Variants in ANO2 observed in about 807,000 individuals in gnomAD.
The protein encoded by ANO2 is anoctamin-2.
In ANO2, 101 loss-of-function variants were observed where a neutral mutation model predicts 124.2. The ratio of observed to expected loss-of-function variants is 0.81; its 90% CI spans 0.69 to 0.96. The LOEUF is 0.96. Ranked by LOEUF, ANO2 falls within the 40% of genes least tolerant of loss-of-function variation. The pLI is 0.00. For missense variants in ANO2, 1,293 were observed against 1,274.5 expected, an observed-to-expected ratio of 1.01 and a Z score of -0.22; for synonymous variants, 486 against 482.5, an observed-to-expected ratio of 1.01 and a Z score of -0.09.
rs1942368058 is a variant in ANO2 at position 5,575,842 on chromosome 12, C to G, written c.2613G>C (p.Gln871His). 6.2e-7 allele frequency: 1 copy of G among 1,613,688 alleles called. No individual in the cohort carries two copies. The highest frequency in any genetic ancestry group is 1.1e-5 in the South Asian group (1 of 91,032). Residue 871 changes from glutamine to histidine, a missense_variant, in exon 23 of 25, where the codon CAG (glutamine) becomes CAC (histidine). Coordinates refer to ENST00000682330, the MANE Select transcript of ANO2 (RefSeq NM_001364791.2). Reference protein sequence around the residue: ...PENSQFDQEVQFCRFKDYREP... With the variant: ...PENSQFDQEVHFCRFKDYREP... ...CCTGAAGATTACTTTACCTGCAGAA[C>G]TGAACCTCCTGGTCAAACTGTGAGT... is the stretch of plus-strand genomic sequence containing the variant.
chr12:5,585,747 G>A (rs575381028), intron 20 of ANO2, among the ~76,000 whole-genome samples: 5 of 152,286 alleles, frequency 3.3e-5, no homozygotes, highest in South Asian at 2.1e-4. Flanking sequence ...AATGTAGTGC[G>A]TGAGTTCGAA....
intron 10 of ANO2, among the ~76,000 whole-genome samples, chr12:5,798,200 A>G (rs1379371748): frequency 6.6e-6 from 1 of 152,026 alleles, no homozygotes; most frequent in Admixed American, 6.6e-5. Context: ...AGAACAGTCT[A>G]GGTGGCCCAT....
intron 19 of ANO2, among the ~76,000 whole-genome samples, chr12:5,600,143 A>C (rs1943865988): frequency 6.6e-6 from 1 of 152,230 alleles, no homozygotes; most frequent in South Asian, 2.1e-4. Flanking sequence ...TCTAATCCCC[A>C]ATGTGACTGT....
chr12:5,623,411 C>T (rs561886788), intron 16 of ANO2, among the ~76,000 whole-genome samples: 84 of 152,298 alleles, frequency 5.5e-4, no homozygotes, highest in Non-Finnish European at 1.0e-3. Flanking sequence ...CTCCACTTCC[C>T]GCCAGAAAGG....
intron 3 of ANO2, among the ~76,000 whole-genome samples, chr12:5,883,137 G>A (rs1228095629): frequency 1.3e-5 from 2 of 151,820 alleles, no homozygotes; most frequent in Non-Finnish European, 2.9e-5. Flanking sequence ...AAAATCTCAT[G>A]AGTGGCTCCA....
At chr12:5,864,958 C>T (rs1955377462) in intron 3 of ANO2, among the ~76,000 whole-genome samples, 1 of 152,142 alleles carries the variant, frequency 6.6e-6, no homozygotes, top group African/African-American at 2.4e-5. Context: ...GTCATATTAA[C>T]TCTGAAAGCC....
At position 5,717,411 on chromosome 12, in the gene ANO2, G is replaced by A. The variant is rs866699036; in HGVS notation, c.1545+15109C>T. Among the ~76,000 whole-genome samples, 5 of 152,228 alleles carry A rather than the reference G, an allele frequency of 3.3e-5. No individual in the cohort carries two copies. In the East Asian group the frequency reaches 9.6e-4, roughly 29 times the overall value. Reference sequence around the variant, plus strand: ...GTAACAGAAATAAGGAAGACCCCAAGGGAGTTGGTTTTGGACATCTTGTCT... The same window carrying A: ...GTAACAGAAATAAGGAAGACCCCAAAGGAGTTGGTTTTGGACATCTTGTCT... On this transcript the variant is annotated intron_variant, in intron 14 of 24. Transcript: ENST00000682330.
At chr12:5,716,659 T>C (rs1023876505) in intron 14 of ANO2, among the ~76,000 whole-genome samples, 7 of 152,206 alleles carry the variant, frequency 4.6e-5, no homozygotes, top group Admixed American at 2.0e-4. Flanking sequence ...TTATGTAAGC[T>C]GGCCGATAGA....
intron 14 of ANO2, among the ~76,000 whole-genome samples, 157 bp downstream of exon 14, chr12:5,732,363 G>A (rs1005890918): frequency 2.0e-5 from 3 of 152,024 alleles, no homozygotes; most frequent in African/African-American, 7.3e-5. Flanking sequence ...ATGATCTCTG[G>A]CTGCAGGACA....
At chr12:5,608,447 G>C (rs1453987147) in intron 19 of ANO2, among the ~76,000 whole-genome samples, 1 of 151,948 alleles carries the variant, frequency 6.6e-6, no homozygotes, top group Non-Finnish European at 1.5e-5. Flanking sequence ...TGGCAGAGTA[G>C]AAATTGAAAG....
At chr12:5,830,791 G>A (rs1954126394) in intron 5 of ANO2, among the ~76,000 whole-genome samples, 1 of 152,062 alleles carries the variant, frequency 6.6e-6, no homozygotes, top group African/African-American at 2.4e-5. Context: ...TATAGGATAG[G>A]GTATCATGCA....
intron 5 of ANO2, 77 bp downstream of exon 5, chr12:5,832,375 G>C: frequency 1.3e-6 from 2 of 1,556,454 alleles, no homozygotes; most frequent in Non-Finnish European, 1.7e-6. Flanking sequence ...GGAGCCCCAG[G>C]GCTGAGTCAT....
intron 20 of ANO2, among the ~76,000 whole-genome samples, chr12:5,595,311 C>T (rs1355898830): frequency 6.6e-6 from 1 of 152,198 alleles, no homozygotes; most frequent in Non-Finnish European, 1.5e-5. Flanking sequence ...AGCAATCCTC[C>T]CACCTCAGCC....
intron 19 of ANO2, 48 bp downstream of exon 19, chr12:5,612,608 G>A (rs1285599249): frequency 6.5e-7 from 1 of 1,532,790 alleles, no homozygotes. Flanking sequence ...GCACTTCTGG[G>A]CTAACCCCTG....
intron 19 of ANO2, among the ~76,000 whole-genome samples, chr12:5,611,928 T>C (rs192499016): frequency 8.5e-5 from 13 of 152,218 alleles, no homozygotes; most frequent in African/African-American, 2.9e-4. Context: ...ATCTCTATCA[T>C]TCCCTAGCTT....
chr12:5,762,701 T>A (rs12228999), intron 10 of ANO2, among the ~76,000 whole-genome samples: 17,164 of 151,858 alleles, frequency 0.11, 1,054 homozygotes, highest in Admixed American at 0.18. Flanking sequence ...TCAAACTGAC[T>A]ATAATTGAAT....
chr12:5,684,113 G>A (rs1389225792), intron 14 of ANO2, among the ~76,000 whole-genome samples: 2 of 152,132 alleles, frequency 1.3e-5, no homozygotes, highest in Non-Finnish European at 2.9e-5. Context: ...TATATGCCCT[G>A]GGACCCTTCA....
chr12:5,810,399 T>G (rs1476136896), intron 7 of ANO2, among the ~76,000 whole-genome samples: 1 of 152,062 alleles, frequency 6.6e-6, no homozygotes, highest in African/African-American at 2.4e-5. Context: ...TAAAAAAGAG[T>G]CCCTGCTTTG....
rs569554679 is a variant in ANO2, at chr12:5,724,098, C to T, written c.1545+8422G>A. Among the ~76,000 whole-genome samples, 278 of 152,152 alleles carry T rather than the reference C, an allele frequency of 1.8e-3. 1 individual carries two copies. Among genetic ancestry groups the T allele is most frequent in the African/African-American group, 6.5e-3 (269 of 41,482 alleles). ...CTTAATAGCCAGAGTCCATGAAATGCCCATATAATAAGGATGCTTAGGGCC... is the reference window on the plus strand; with the variant it reads ...CTTAATAGCCAGAGTCCATGAAATGTCCATATAATAAGGATGCTTAGGGCC... On this transcript the variant is annotated intron_variant, in intron 14 of 24. Coordinates refer to ENST00000682330, the MANE Select transcript of ANO2 (RefSeq NM_001364791.2).
Sources: gnomAD v4.1 joint callset for allele counts (sites outside exome capture counted in the v4.1 genomes callset) on GRCh38, gnomAD v4.1.1 for gene constraint, MANE v1.5 for transcripts, NCBI Gene and HGNC (gene_info 2026-07-23, HGNC 2026-07-21) for gene names.